Variants in IQCM observed in about 807,000 individuals in gnomAD.
The protein encoded by IQCM is IQ motif containing M.
A neutral mutation model predicts 57.6 loss-of-function variants in IQCM; 45 were observed. The observed-to-expected ratio is 0.78, with a 90% CI of 0.62 to 1.00. The LOEUF (loss-of-function observed/expected upper bound fraction) is 1.00. IQCM is among the 50% of genes least tolerant of loss of function. The pLI, the probability that IQCM is intolerant of heterozygous loss-of-function variation, is 0.00. For missense variants in IQCM, 468 were observed against 511.6 expected (o/e 0.91, Z 0.82); for synonymous variants, 148 against 158.9 (o/e 0.93, Z 0.51).
intron 2 of IQCM, among the ~76,000 whole-genome samples, chr4:149,743,027 A>C (rs1165760749): frequency 6.6e-6 from 1 of 152,170 alleles, no homozygotes; most frequent in Non-Finnish European, 1.5e-5. Context: ...ATTGGAGCTT[A>C]GAGAAGTAAA....
chr4:149,512,092 C>T (rs763310357), intron 12 of IQCM, among the ~76,000 whole-genome samples: 1 of 152,126 alleles, frequency 6.6e-6, no homozygotes, highest in Non-Finnish European at 1.5e-5. Flanking sequence ...AGGTTAAGTC[C>T]ATTCCAAAAA....
chr4:149,752,970 C>T (rs879554976), intron 2 of IQCM, among the ~76,000 whole-genome samples: 1 of 152,172 alleles, frequency 6.6e-6, no homozygotes, highest in Admixed American at 6.5e-5. Context: ...TGAAATATCA[C>T]TATCAAAGGG....
At chr4:149,807,118 T>C (rs1425175911) in intron 2 of IQCM, among the ~76,000 whole-genome samples, 1 of 151,626 alleles carries the variant, frequency 6.6e-6, no homozygotes, top group African/African-American at 2.4e-5. Context: ...ACAATCCCTA[T>C]CAAAATACCA....
intron 2 of IQCM, among the ~76,000 whole-genome samples, chr4:149,758,309 C>T (rs781078521): frequency 2.0e-4 from 30 of 152,144 alleles, no homozygotes; most frequent in African/African-American, 7.2e-4. Flanking sequence ...ACAAACCTTA[C>T]ACTCTTCTCA....
intron 9 of IQCM, among the ~76,000 whole-genome samples, chr4:149,568,858 A>G (rs1750886300): frequency 6.6e-6 from 1 of 152,188 alleles, no homozygotes; most frequent in South Asian, 2.1e-4. Flanking sequence ...GGCCAATTAA[A>G]GCCTCCTTAA....
intron 12 of IQCM, among the ~76,000 whole-genome samples, chr4:149,496,233 T>G (rs1742646572): frequency 1.3e-5 from 2 of 152,160 alleles, no homozygotes; most frequent in South Asian, 4.1e-4. Context: ...AATTCTCATT[T>G]ATACTTAATA....
chr4:149,454,975 A>G (rs145177895), intron 12 of IQCM, among the ~76,000 whole-genome samples: 191 of 152,114 alleles, frequency 1.3e-3, no homozygotes, highest in Non-Finnish European at 2.3e-3. Context: ...TGAATACCCT[A>G]TCATTGAGTA....
chr4:149,593,271 G>T (rs560738369), intron 8 of IQCM, among the ~76,000 whole-genome samples: 25 of 152,222 alleles, frequency 1.6e-4, no homozygotes, highest in African/African-American at 6.0e-4. Flanking sequence ...TGTTATTGGT[G>T]TATAGGAATG....
intron 12 of IQCM, among the ~76,000 whole-genome samples, chr4:149,436,835 C>T (rs1157122828): frequency 2.0e-5 from 3 of 152,066 alleles, no homozygotes; most frequent in African/African-American, 7.2e-5. Context: ...GCCACATATG[C>T]AATATCTGAA....
At chr4:149,594,374 T>C (rs1000236565) in intron 8 of IQCM, among the ~76,000 whole-genome samples, 1 of 152,194 alleles carries the variant, frequency 6.6e-6, no homozygotes, top group Non-Finnish European at 1.5e-5. Flanking sequence ...TTGCTAGCGG[T>C]CTATCAATTT....
At chr4:149,750,566 C>T (rs769693765) in intron 2 of IQCM, among the ~76,000 whole-genome samples, 1 of 152,172 alleles carries the variant, frequency 6.6e-6, no homozygotes, top group African/African-American at 2.4e-5. Context: ...AGTCCCGTAT[C>T]AATACATGCA....
At chr4:149,453,286 T>C (rs1000061165) in intron 12 of IQCM, among the ~76,000 whole-genome samples, 9 of 151,726 alleles carry the variant, frequency 5.9e-5, no homozygotes, top group African/African-American at 2.2e-4. Context: ...TTCATAACCT[T>C]GGGTTAGGCA....
chr4:149,654,397 G>T (rs1198160481), intron 7 of IQCM, among the ~76,000 whole-genome samples: 1 of 151,982 alleles, frequency 6.6e-6, no homozygotes, highest in Non-Finnish European at 1.5e-5. Flanking sequence ...GGTAGATGTG[G>T]TTGTTTAAGT....
chr4:149,464,396 T>C (rs1246251481), intron 12 of IQCM, among the ~76,000 whole-genome samples: 2 of 152,176 alleles, frequency 1.3e-5, no homozygotes, highest in East Asian at 1.9e-4. Context: ...GAGTATCTTG[T>C]ATATTTCCAG....
At chr4:149,614,618 T>C (rs897205249) in intron 8 of IQCM, among the ~76,000 whole-genome samples, 1 of 152,126 alleles carries the variant, frequency 6.6e-6, no homozygotes, top group Non-Finnish European at 1.5e-5. Context: ...CTCTTCCTCA[T>C]TCTAGGGCAT....
At chr4:149,774,195 ATT>A (rs1219258784) in intron 2 of IQCM, among the ~76,000 whole-genome samples, 1 of 151,968 alleles carries the variant, frequency 6.6e-6, no homozygotes, top group Non-Finnish European at 1.5e-5. Flanking sequence ...GTAAAAAAAA[ATT>A]TTTTTTATTG....
chr4:149,469,466 G>C (rs919895607), intron 12 of IQCM, among the ~76,000 whole-genome samples: 11 of 152,174 alleles, frequency 7.2e-5, no homozygotes, highest in Admixed American at 2.0e-4. Flanking sequence ...AGAAATATGG[G>C]ACTATGTGAA....
intron 13 of IQCM, among the ~76,000 whole-genome samples, chr4:149,358,249 G>A (rs1489819037): frequency 6.6e-6 from 1 of 152,116 alleles, no homozygotes; most frequent in African/African-American, 2.4e-5. Flanking sequence ...AGTTCCTTCA[G>A]TTCTGCTCTG....
Position 149,356,032 on chromosome 4 carries a change from T to C in IQCM, c.1391-3966A>G, listed in dbSNP as rs1033038409. ...TTTTTTCATGTGTTTTTTGGCTGCATAAATGTCTTCTTTTGAGAAATCTCT... is the reference window on the plus strand; with the variant it reads ...TTTTTTCATGTGTTTTTTGGCTGCACAAATGTCTTCTTTTGAGAAATCTCT... On this transcript the variant is annotated intron_variant, in intron 13 of 13. Transcript: ENST00000636793. 9.8e-5 allele frequency among the ~76,000 whole-genome samples: 15 copies of C among 152,366 alleles called. 1 individual carries two copies. The highest frequency in any genetic ancestry group is 3.6e-4 in the African/African-American group (15 of 41,590).
Sources: gnomAD v4.1 joint callset for allele counts (sites outside exome capture counted in the v4.1 genomes callset) on GRCh38, gnomAD v4.1.1 for gene constraint, MANE v1.5 for transcripts, NCBI Gene and HGNC (gene_info 2026-07-23, HGNC 2026-07-21) for gene names.